The following ACACA variants were observed in gnomAD, a reference collection of about 807,000 sequenced individuals.
The protein encoded by ACACA is acetyl-CoA carboxylase 1.
ACACA carries 103 observed loss-of-function variants against 296.1 expected under a neutral mutation model. The ratio of observed to expected loss-of-function variants is 0.35; its 90% CI spans 0.30 to 0.41. The LOEUF (loss-of-function observed/expected upper bound fraction) is 0.41, where lower values mean the gene tolerates loss of function less well. Among genes scored for constraint, ACACA ranks in the 10% least tolerant of loss-of-function variants. The pLI is 1.00. For missense variants in ACACA, 1,554 were observed against 2,989.7 expected (o/e 0.52, Z 11.20); for synonymous variants, 953 against 1,038.6 (o/e 0.92, Z 1.58).
intron 1 of ACACA, among the ~76,000 whole-genome samples, chr17:37,362,089 A>G (rs569867265): frequency 2.1e-4 from 32 of 152,350 alleles, no homozygotes; most frequent in African/African-American, 7.5e-4. Flanking sequence ...AGACACACAT[A>G]TGAAGACATA....
intron 1 of ACACA, among the ~76,000 whole-genome samples, chr17:37,405,680 G>C (rs968646978): frequency 2.6e-5 from 4 of 152,012 alleles, no homozygotes; most frequent in Admixed American, 6.6e-5. Context: ...AGCCTCCGGA[G>C]TAGCTGGGAT....
chr17:37,253,852 A>C (rs1381341554), intron 14 of ACACA, among the ~76,000 whole-genome samples: 2 of 152,174 alleles, frequency 1.3e-5, no homozygotes, highest in African/African-American at 4.8e-5. Context: ...CCATACAGTA[A>C]AGCAACTCTC....
At chr17:37,100,004 AACAG>A (rs1343059427) in intron 52 of ACACA, among the ~76,000 whole-genome samples, 9 of 152,236 alleles carry the variant, frequency 5.9e-5, no homozygotes. Flanking sequence ...GATATTTATT[AACAG>A]ACAGAATATT....
chr17:37,255,412 G>A (rs1274101571), intron 14 of ACACA, among the ~76,000 whole-genome samples: 2 of 152,198 alleles, frequency 1.3e-5, no homozygotes, highest in African/African-American at 2.4e-5. Flanking sequence ...CTAAGCTGAA[G>A]AATGAACTTT....
At chr17:37,108,048 G>A (rs907801711) in intron 52 of ACACA, among the ~76,000 whole-genome samples, 1 of 152,178 alleles carries the variant, frequency 6.6e-6, no homozygotes, top group African/African-American at 2.4e-5. Context: ...CCAAATGGTA[G>A]GAAGTAATTC....
At chr17:37,107,195 A>G (rs1415164262) in intron 52 of ACACA, among the ~76,000 whole-genome samples, 1 of 152,218 alleles carries the variant, frequency 6.6e-6, no homozygotes, top group Non-Finnish European at 1.5e-5. Flanking sequence ...AGGCATGCGT[A>G]TCGGAACTTC....
At chr17:37,395,628 T>C (rs1411308328) in intron 1 of ACACA, among the ~76,000 whole-genome samples, 1 of 152,012 alleles carries the variant, frequency 6.6e-6, no homozygotes, top group Non-Finnish European at 1.5e-5. Flanking sequence ...CACCGCAACC[T>C]CCGCCCGGGT....
rs2072123390 is a variant in ACACA at position 37,085,241 on chromosome 17, G to A, written c.*2075C>T. 1 of 182,382 alleles carries A rather than the reference G, an allele frequency of 5.5e-6. No homozygotes were observed. The highest frequency in any genetic ancestry group is 6.2e-5 in the Admixed American group (1 of 16,174). 11.3% of individuals were successfully genotyped at this position (182,382 alleles called of 1,614,324 possible). On this transcript the variant is annotated 3_prime_UTR_variant, in exon 56 of 56. Coordinates refer to ENST00000616317, the MANE Select transcript of ACACA (RefSeq NM_198834.3). ...GAATGTCAGATTGCTCATGTTCTGT[G>A]CCTCCAACTTGAAAAAATCCTTGTC...
At chr17:37,373,751 G>A (rs1277071055) in intron 1 of ACACA, among the ~76,000 whole-genome samples, 1 of 152,162 alleles carries the variant, frequency 6.6e-6, no homozygotes, top group East Asian at 1.9e-4. Context: ...GCATTGTACC[G>A]TGGCATCTAG....
intron 45 of ACACA, among the ~76,000 whole-genome samples, chr17:37,139,246 G>A (rs756753768): frequency 6.6e-6 from 1 of 152,190 alleles, no homozygotes; most frequent in Non-Finnish European, 1.5e-5. Flanking sequence ...AGCTAAGTGG[G>A]CCCTTAGCTT....
chr17:37,220,778 C>A (rs1395150047), intron 29 of ACACA, among the ~76,000 whole-genome samples: 1 of 152,196 alleles, frequency 6.6e-6, no homozygotes, highest in Non-Finnish European at 1.5e-5. Context: ...TCAGCACAGA[C>A]TTCTTTGTCT....
intron 30 of ACACA, among the ~76,000 whole-genome samples, chr17:37,209,467 G>A (rs562828442): frequency 1.3e-5 from 2 of 152,248 alleles, no homozygotes; most frequent in Non-Finnish European, 2.9e-5. Flanking sequence ...TGAACCCCAT[G>A]GGAAATATCG....
chr17:37,171,924 T>C (rs1392280554), intron 41 of ACACA, among the ~76,000 whole-genome samples: 2 of 152,090 alleles, frequency 1.3e-5, no homozygotes, highest in East Asian at 1.9e-4. Context: ...GATTAATTGG[T>C]TGGTATGGAA....
intron 18 of ACACA, 69 bp from the exon 19 acceptor site, chr17:37,247,045 G>A: frequency 6.4e-7 from 1 of 1,574,776 alleles, no homozygotes; most frequent in Non-Finnish European, 8.7e-7. Context: ...GGTAGAGAAT[G>A]TCAACCTTCA....
intron 46 of ACACA, 106 bp from the exon 47 acceptor site, chr17:37,129,591 T>C: frequency 7.0e-7 from 1 of 1,434,338 alleles, no homozygotes; most frequent in Non-Finnish European, 9.7e-7. Context: ...ACGTATGGAA[T>C]TGCACCCAAT....
intron 25 of ACACA, among the ~76,000 whole-genome samples, chr17:37,231,368 G>C (rs937298264): frequency 6.6e-6 from 1 of 152,172 alleles, no homozygotes; most frequent in Non-Finnish European, 1.5e-5. Flanking sequence ...TTATTTAGCC[G>C]GGTAGGCACT....
At chr17:37,185,887 T>A (rs1388724284) in intron 39 of ACACA, among the ~76,000 whole-genome samples, 1 of 152,162 alleles carries the variant, frequency 6.6e-6, no homozygotes. Context: ...TATTTTTCTC[T>A]TACACTGCAC....
intron 3 of ACACA, among the ~76,000 whole-genome samples, chr17:37,327,935 GAGA>G (rs1368726969): frequency 6.6e-6 from 1 of 152,138 alleles, no homozygotes; most frequent in African/African-American, 2.4e-5. Flanking sequence ...GACCTCAAGA[GAGA>G]AGAATGCCAC....
chr17:37,117,267 T>C (rs913388366), intron 50 of ACACA, among the ~76,000 whole-genome samples: 16 of 152,238 alleles, frequency 1.1e-4, no homozygotes, highest in African/African-American at 3.1e-4. Flanking sequence ...TACATATACA[T>C]AATGTCTCTC....
Sources: gnomAD v4.1 joint callset for allele counts (sites outside exome capture counted in the v4.1 genomes callset) on GRCh38, gnomAD v4.1.1 for gene constraint, MANE v1.5 for transcripts, NCBI Gene and HGNC (gene_info 2026-07-23, HGNC 2026-07-21) for gene names.